The following ADAMTSL1 variants were observed in gnomAD, a reference collection of about 807,000 sequenced individuals.
ADAMTSL1 encodes ADAMTS like 1, also known as ADAMTS-like protein 1.
Under a neutral mutation model 201.8 loss-of-function variants are expected in ADAMTSL1, and 126 were observed. The ratio of observed to expected loss-of-function variants is 0.62; its 90% CI spans 0.54 to 0.72. The LOEUF (loss-of-function observed/expected upper bound fraction) is 0.72, where lower values mean the gene tolerates loss of function less well. Ranked by LOEUF, ADAMTSL1 falls within the 30% of genes least tolerant of loss-of-function variation. The pLI is 0.00. For synonymous variants in ADAMTSL1, 1,121 were observed against 903.4 expected, an observed-to-expected ratio of 1.24 and a Z score of -4.32; for missense variants, 2,679 against 2,277.8, an observed-to-expected ratio of 1.18 and a Z score of -3.59.
intron 13 of ADAMTSL1, among the ~76,000 whole-genome samples, chr9:18,690,595 T>C (rs944766682): frequency 7.9e-5 from 12 of 152,182 alleles, no homozygotes; most frequent in African/African-American, 2.7e-4. Context: ...TTAAATACTG[T>C]TTGCAGATCT....
intron 2 of ADAMTSL1, among the ~76,000 whole-genome samples, chr9:18,175,660 C>T (rs1828112690): frequency 6.6e-6 from 1 of 152,134 alleles, no homozygotes; most frequent in Admixed American, 6.6e-5. Flanking sequence ...TGTCTTCCTT[C>T]CCTACTCTCT....
intron 23 of ADAMTSL1, among the ~76,000 whole-genome samples, chr9:18,837,663 G>C (rs1385081761): frequency 1.3e-5 from 2 of 152,158 alleles, no homozygotes; most frequent in East Asian, 1.9e-4. Flanking sequence ...CAAAAACCAC[G>C]TGTTTTTATA....
chr9:18,337,220 T>G (rs893818373), intron 2 of ADAMTSL1, among the ~76,000 whole-genome samples: 6 of 152,126 alleles, frequency 3.9e-5, no homozygotes, highest in African/African-American at 1.4e-4. Flanking sequence ...TCTTCCAGCC[T>G]TCATCCTTCC....
intron 2 of ADAMTSL1, among the ~76,000 whole-genome samples, chr9:18,200,455 T>C (rs1461944693): frequency 6.6e-6 from 1 of 152,214 alleles, no homozygotes; most frequent in South Asian, 2.1e-4. Flanking sequence ...CACATGGTGT[T>C]TAAAAACTTC....
intron 7 of ADAMTSL1, among the ~76,000 whole-genome samples, chr9:18,653,213 T>G (rs1377676946): frequency 6.6e-6 from 1 of 152,094 alleles, no homozygotes; most frequent in Non-Finnish European, 1.5e-5. Flanking sequence ...CTCTTGAGAG[T>G]TGCAGATCCC....
At chr9:18,033,034 C>A (rs1031096055) in intron 1 of ADAMTSL1, among the ~76,000 whole-genome samples, 4 of 152,264 alleles carry the variant, frequency 2.6e-5, no homozygotes, top group Non-Finnish European at 5.9e-5. Context: ...CAGGCACCTC[C>A]CCACTATGCC....
At chr9:18,209,584 C>G (rs186001988) in intron 2 of ADAMTSL1, among the ~76,000 whole-genome samples, 29 of 152,278 alleles carry the variant, frequency 1.9e-4, no homozygotes, top group African/African-American at 6.3e-4. Context: ...AGTAAACCAC[C>G]TGAATTCAGT....
At chr9:18,168,221 A>C (rs7867116) in intron 2 of ADAMTSL1, among the ~76,000 whole-genome samples, 5,187 of 151,884 alleles carry the variant, frequency 0.034, 304 homozygotes, top group African/African-American at 0.12. Context: ...CCATTAACTC[A>C]TCATTTAGCA....
intron 1 of ADAMTSL1, among the ~76,000 whole-genome samples, chr9:17,976,860 A>T (rs2811815): frequency 0.84 from 127,523 of 151,842 alleles, 53,773 homozygotes; most frequent in East Asian, 0.94. Context: ...GGCTATGACT[A>T]TCAATACAAT....
At chr9:18,312,497 T>C (rs10217257) in intron 2 of ADAMTSL1, among the ~76,000 whole-genome samples, 77,451 of 152,004 alleles carry the variant, frequency 0.51, 20,174 homozygotes, top group Admixed American at 0.63. Flanking sequence ...GGCCTTGAAC[T>C]TGAGTTGCTT....
At chr9:18,623,274 T>C (rs973492683) in intron 5 of ADAMTSL1, among the ~76,000 whole-genome samples, 1 of 151,702 alleles carries the variant, frequency 6.6e-6, no homozygotes, top group Non-Finnish European at 1.5e-5. Flanking sequence ...TTATTAGACA[T>C]GTACTTGCTG....
chr9:18,622,388 G>A lies in ADAMTSL1; in HGVS notation c.601+19G>A, dbSNP rs779129663. 1.1e-5 allele frequency: 17 copies of A among 1,613,808 alleles called. No individual in the cohort carries two copies. Among genetic ancestry groups the A allele is most frequent in the Non-Finnish European group, 1.4e-5 (17 of 1,179,914 alleles). On this transcript the variant is annotated intron_variant, in intron 5 of 28. Transcript: ENST00000380548. ...ACCAAATGTAAGACACACAGAGATG[G>A]GCGACCTTTGGACTTGTTGACTTAT... is the stretch of plus-strand genomic sequence containing the variant.
intron 2 of ADAMTSL1, among the ~76,000 whole-genome samples, chr9:18,257,372 A>G (rs1271979049): frequency 1.3e-5 from 2 of 152,202 alleles, no homozygotes; most frequent in Non-Finnish European, 2.9e-5. Context: ...TTGAATAGAC[A>G]TTTTCTCTAA....
intron 3 of ADAMTSL1, among the ~76,000 whole-genome samples, chr9:18,568,132 G>T (rs1822057418): frequency 6.6e-6 from 1 of 152,134 alleles, no homozygotes; most frequent in Non-Finnish European, 1.5e-5. Context: ...AGACAAGGGG[G>T]ACTACTGTAT....
chr9:18,441,315 A>T (rs544982568), intron 2 of ADAMTSL1, among the ~76,000 whole-genome samples: 8 of 152,162 alleles, frequency 5.3e-5, no homozygotes, highest in Non-Finnish European at 1.2e-4. Flanking sequence ...GTGAAATTGT[A>T]TCTCAATTTT....
chr9:18,670,756 C>G (rs974480196), intron 9 of ADAMTSL1, among the ~76,000 whole-genome samples: 1 of 152,154 alleles, frequency 6.6e-6, no homozygotes, highest in East Asian at 1.9e-4. Flanking sequence ...CAGTAAAGAA[C>G]CAATATAGCT....
At chr9:18,231,091 A>G (rs555864713) in intron 2 of ADAMTSL1, among the ~76,000 whole-genome samples, 6 of 152,036 alleles carry the variant, frequency 3.9e-5, no homozygotes, top group Non-Finnish European at 7.4e-5. Flanking sequence ...GACCAGCTCT[A>G]CCTTTCTTGA....
intron 9 of ADAMTSL1, among the ~76,000 whole-genome samples, chr9:18,672,442 CA>C (rs1829881309): frequency 3.9e-5 from 6 of 151,960 alleles, no homozygotes; most frequent in Admixed American, 3.9e-4. Context: ...AAAAAGAAAG[CA>C]AAAAGTACTC....
intron 2 of ADAMTSL1, among the ~76,000 whole-genome samples, chr9:18,464,909 G>C (rs1193376484): frequency 3.3e-5 from 5 of 152,318 alleles, no homozygotes; most frequent in Admixed American, 6.5e-5. Context: ...TTTTTCTTCT[G>C]AGCTTCCTAG....
Sources: gnomAD v4.1 joint callset for allele counts (sites outside exome capture counted in the v4.1 genomes callset) on GRCh38, gnomAD v4.1.1 for gene constraint, MANE v1.5 for transcripts, NCBI Gene and HGNC (gene_info 2026-07-23, HGNC 2026-07-21) for gene names.